The following PCDHGA3 variants were observed in gnomAD, a reference collection of about 807,000 sequenced individuals.
The protein encoded by PCDHGA3 is protocadherin gamma-A3.
PCDHGA3 carries 40 observed loss-of-function variants against 58.5 expected under a neutral mutation model. That is an observed-to-expected ratio of 0.68 (90% confidence interval 0.53 to 0.89). The LOEUF (loss-of-function observed/expected upper bound fraction) is 0.89, where lower values mean the gene tolerates loss of function less well. PCDHGA3 is among the 40% of genes least tolerant of loss of function. The pLI is 0.00. For missense variants in PCDHGA3, 1,223 were observed against 1,195.9 expected, an observed-to-expected ratio of 1.02 and a Z score of -0.33; for synonymous variants, 530 against 525.7, an observed-to-expected ratio of 1.01 and a Z score of -0.11.
At position 141,494,833 on chromosome 5, in the gene PCDHGA3, T is replaced by C. The variant is rs537340090; in HGVS notation, c.2451T>C (p.Arg817=). 1 of 1,614,094 alleles carries C rather than the reference T, an allele frequency of 6.2e-7. No homozygotes were observed. The highest frequency in any genetic ancestry group is 1.7e-5 in the Admixed American group (1 of 60,014). Residue 817 remains arginine, a synonymous_variant, in exon 2 of 4, where the codon CGT becomes CGC. Coordinates refer to ENST00000253812, the MANE Select transcript of PCDHGA3 (RefSeq NM_018916.4). ...LQQAPPNTDW[R]FSQAQRPGTS... Reference sequence around the variant, plus strand: ...AAGCCCCGCCCAACACGGACTGGCGTTTCTCTCAGGCCCAGAGACCCGGCA... The same window carrying C: ...AAGCCCCGCCCAACACGGACTGGCGCTTCTCTCAGGCCCAGAGACCCGGCA...
At chr5:141,502,488 T>A (rs1273845698) in intron 2 of PCDHGA3, among the ~76,000 whole-genome samples, 1 of 152,236 alleles carries the variant, frequency 6.6e-6, no homozygotes, top group Non-Finnish European at 1.5e-5. Context: ...ACACTGGGAC[T>A]CATCTAACGT....
At chr5:141,418,742 G>T (rs1351760637) in intron 1 of PCDHGA3, 6 of 1,613,778 alleles carry the variant, frequency 3.7e-6, no homozygotes, top group South Asian at 1.1e-5. Context: ...GTTCTCTCTG[G>T]ATTACACTAC....
chr5:141,494,818 C>T lies in PCDHGA3; in HGVS notation c.2436C>T (p.Pro812=). The part of the protein sequence containing the change: ...GDSNLLQQAP[P]NTDWRFSQAQ... ...TGTTTTCTCCACAGCAAGCCCCGCCCAACACGGACTGGCGTTTCTCTCAGG... is the reference window on the plus strand; with the variant it reads ...TGTTTTCTCCACAGCAAGCCCCGCCTAACACGGACTGGCGTTTCTCTCAGG... Residue 812 remains proline (P), a synonymous_variant, in exon 2 of 4, where the codon CCC becomes CCT. Transcript: ENST00000253812. 1.9e-6 allele frequency: 3 copies of T among 1,614,152 alleles called. No homozygotes were observed. The highest frequency in any genetic ancestry group is 2.2e-5 in the South Asian group (2 of 91,074).
At chr5:141,365,775 GCGACAACGCTC>G (rs763426695) in intron 1 of PCDHGA3, 1 of 1,613,864 alleles carries the variant, frequency 6.2e-7, no homozygotes, top group East Asian at 2.2e-5. Flanking sequence ...CCCGACAGCG[GCGACAACGCTC>G]GAGTCACCTA....
intron 1 of PCDHGA3, chr5:141,392,651 C>A: frequency 1.4e-6 from 1 of 708,948 alleles, no homozygotes; most frequent in Non-Finnish European, 2.2e-6. Context: ...CGAAGACCCG[C>A]AGATGCCACA....
rs535152193 is a variant in PCDHGA3, at chr5:141,422,906, C to G, written c.2425-71901C>G. ...TTCGTGCTGGACCAGAACGACAATG[C>G]GCCCGAGATCCTGTACCCTGCCCTC... On this transcript the variant is annotated intron_variant, in intron 1 of 3. Transcript: ENST00000253812. 6 of 1,614,264 alleles carry G rather than the reference C, an allele frequency of 3.7e-6. No homozygotes were observed. The South Asian group carries it at 6.6e-5, about 18-fold the overall frequency.
intron 1 of PCDHGA3, among the ~76,000 whole-genome samples, chr5:141,439,391 G>A (rs880080): frequency 0.036 from 5,494 of 152,210 alleles, 123 homozygotes; most frequent in South Asian, 0.078. Context: ...TCATCACTTC[G>A]ACTTCATGTG....
Position 141,365,565 on chromosome 5 carries a change from G to A in PCDHGA3, c.2424+19108G>A, listed in dbSNP as rs140294664. The A allele has an allele frequency of 1.9e-6, 3 of 1,613,720 alleles. No individual in the cohort carries two copies. The Admixed American group carries it at 5.0e-5, about 27-fold the overall frequency. On this transcript the variant is annotated intron_variant, in intron 1 of 3. Transcript: ENST00000253812. ...CTATTAACAACTAGGGACCTGGACA[G>A]AGAAGAGACTTCAGATTATAATATC...
At position 141,344,274 on chromosome 5, in the gene PCDHGA3, A is replaced by G; in HGVS notation, c.241A>G (p.Ser81Gly). 1 of 1,614,106 alleles carries G rather than the reference A, an allele frequency of 6.2e-7. No homozygotes were observed. The highest frequency in any genetic ancestry group is 8.5e-7 in the Non-Finnish European group (1 of 1,179,926). Residue 81 changes from serine (S) to glycine (G), a missense_variant, in exon 1 of 4, where the codon AGC becomes GGC. Coordinates refer to ENST00000253812, the MANE Select transcript of PCDHGA3 (RefSeq NM_018916.4). ...GCAGCTTTTCTCTCTGAATCCGCAA[A>G]GCGGCAGCTTGGTCACCGCGGAGAG... ...RTQLFSLNPQ[S>G]GSLVTAERID...
Position 141,491,984 on chromosome 5 carries a change from C to G in PCDHGA3, c.2425-2823C>G. 1.4e-6 allele frequency: 1 copy of G among 734,256 alleles called. No homozygotes were observed. The highest frequency in any genetic ancestry group is 3.2e-5 in the East Asian group (1 of 31,678). The allele number at this position is 734,256 out of a possible 1,614,324, so 45.5% of individuals were successfully genotyped here. ...AAGGCCGGGGCCTCCTTCGAGCTTC[C>G]GGTGAATTTCGGGCGATTTCCGCGG... On this transcript the variant is annotated intron_variant, in intron 1 of 3. Coordinates refer to ENST00000253812, the MANE Select transcript of PCDHGA3 (RefSeq NM_018916.4). The surrounding 1 kb of genome is among the most constrained non-coding windows in gnomAD (Gnocchi z 6.9).
intron 1 of PCDHGA3, chr5:141,428,217 C>A: frequency 8.3e-7 from 1 of 1,211,998 alleles, no homozygotes; most frequent in Non-Finnish European, 1.2e-6. Context: ...TTCACCTAGT[C>A]TTCGCAGACA....
chr5:141,398,841 TC>T (rs1383151737), intron 1 of PCDHGA3: 5 of 1,613,612 alleles, frequency 3.1e-6, no homozygotes, highest in African/African-American at 1.3e-5. Flanking sequence ...CCAATGATAA[TC>T]CCCCGGTATT....
At position 141,397,489 on chromosome 5, in the gene PCDHGA3, A is replaced by G. The variant is rs568778994; in HGVS notation, c.2424+51032A>G. 3.3e-5 allele frequency among the ~76,000 whole-genome samples: 5 copies of G among 152,372 alleles called. No homozygotes were observed. In the East Asian group the frequency reaches 9.6e-4, roughly 29 times the overall value. ...GGAGTTGGAAATCATAGAAATGAAC[A>G]GAAGAATGATAAAATTGTTTCCATA... On this transcript the variant is annotated intron_variant, in intron 1 of 3. Coordinates refer to ENST00000253812, the MANE Select transcript of PCDHGA3 (RefSeq NM_018916.4).
intron 1 of PCDHGA3, chr5:141,400,524 GGTGA>G (rs1307110266): frequency 1.2e-6 from 2 of 1,613,920 alleles, no homozygotes; most frequent in Admixed American, 3.3e-5. Context: ...ATCCTGAGTT[GGTGA>G]GTTTCATTTA....
intron 1 of PCDHGA3, chr5:141,395,193 T>C (rs748986857): frequency 1.2e-6 from 2 of 1,614,024 alleles, no homozygotes; most frequent in South Asian, 1.1e-5. Flanking sequence ...TTTGTTAACA[T>C]CCGTAGATTT....
Position 141,423,666 on chromosome 5 carries a change from AT to A in PCDHGA3, c.2425-71138del, listed in dbSNP as rs1184681047. 2.7e-6 allele frequency: 4 copies of A among 1,494,382 alleles called. No individual in the cohort carries two copies. The South Asian group carries it at 5.0e-5, about 19-fold the overall frequency. The allele number at this position is 1,494,382 out of a possible 1,614,324, so 92.6% of individuals were successfully genotyped here. A position where few individuals can be genotyped will look rare whatever the true frequency, so the allele number is the denominator to read the frequency against. ...GTGACCCGACAAGTAATCAGGTGAGATTTATTTCTCTGCCTCCTAATTGTTG... is the reference window on the plus strand; with the variant it reads ...GTGACCCGACAAGTAATCAGGTGAGATTATTTCTCTGCCTCCTAATTGTTG... On this transcript the variant is annotated intron_variant, in intron 1 of 3. Coordinates refer to ENST00000253812, the MANE Select transcript of PCDHGA3 (RefSeq NM_018916.4).
intron 1 of PCDHGA3, among the ~76,000 whole-genome samples, chr5:141,369,595 C>T (rs1362731201): frequency 6.6e-6 from 1 of 152,190 alleles, no homozygotes; most frequent in Non-Finnish European, 1.5e-5. Flanking sequence ...TACTATACTT[C>T]TATTTTATAA....
At chr5:141,365,296 G>T in intron 1 of PCDHGA3, 1 of 1,614,002 alleles carries the variant, frequency 6.2e-7, no homozygotes, top group Non-Finnish European at 8.5e-7. Flanking sequence ...TGGTAGCTCA[G>T]GATGGAGGCG....
At chr5:141,436,752 A>G (rs2097844842) in intron 1 of PCDHGA3, among the ~76,000 whole-genome samples, 2 of 152,194 alleles carry the variant, frequency 1.3e-5, no homozygotes, top group South Asian at 4.1e-4. Context: ...GCTTCTCCAT[A>G]TGGTATAATG....
Sources: allele counts gnomAD v4.1 joint callset (sites outside exome capture counted in the v4.1 genomes callset), GRCh38; gene constraint gnomAD v4.1.1; non-coding constraint Gnocchi (gnomAD v3.1); transcripts MANE v1.5; gene names NCBI Gene and HGNC (gene_info 2026-07-23, HGNC 2026-07-21).